The following FGD4 variants were observed in gnomAD, a reference collection of about 807,000 sequenced individuals.
FGD4 encodes FYVE, RhoGEF and PH domain-containing protein 4.
FGD4 carries 42 observed loss-of-function variants against 102.0 expected under a neutral mutation model. That is an observed-to-expected ratio of 0.41 (90% CI 0.32 to 0.53). FGD4 has a LOEUF of 0.53. Among genes scored for constraint, FGD4 ranks in the 20% least tolerant of loss-of-function variants. The pLI, the probability that FGD4 is intolerant of heterozygous loss-of-function variation, is 0.21. For missense variants in FGD4, 902 were observed against 1,078.2 expected, an observed-to-expected ratio of 0.84 and a Z score of 2.29; for synonymous variants, 380 against 375.7, an observed-to-expected ratio of 1.01 and a Z score of -0.13.
chr12:32,460,288 G>A (rs927500216), intron 1 of FGD4, among the ~76,000 whole-genome samples: 1 of 152,150 alleles, frequency 6.6e-6, no homozygotes, highest in South Asian at 2.1e-4. Flanking sequence ...GAGGCGGGAG[G>A]TTTGCTTGAG....
intron 1 of FGD4, among the ~76,000 whole-genome samples, chr12:32,509,540 G>C (rs899020605): frequency 3.3e-5 from 5 of 152,108 alleles, no homozygotes; most frequent in African/African-American, 1.2e-4. Flanking sequence ...TTTTCCAAAT[G>C]CTTATATTTT....
intron 1 of FGD4, among the ~76,000 whole-genome samples, chr12:32,497,362 G>A (rs879087900): frequency 1.3e-5 from 2 of 151,966 alleles, no homozygotes; most frequent in Admixed American, 1.3e-4. Flanking sequence ...TTCATGAAAC[G>A]AATTATAAAA....
At chr12:32,626,309 C>T (rs569358263) in intron 14 of FGD4, among the ~76,000 whole-genome samples, 9 of 152,102 alleles carry the variant, frequency 5.9e-5, no homozygotes, top group South Asian at 2.1e-4. Flanking sequence ...CCAGGCGTGG[C>T]GGCGCATGCC....
intron 1 of FGD4, among the ~76,000 whole-genome samples, chr12:32,447,823 C>T (rs978448905): frequency 5.9e-5 from 9 of 152,222 alleles, no homozygotes; most frequent in African/African-American, 1.9e-4. Flanking sequence ...GATTTGTTCA[C>T]TTGAGTCCTT....
At chr12:32,481,083 G>A (rs1380385950) in intron 1 of FGD4, among the ~76,000 whole-genome samples, 1 of 131,264 alleles carries the variant, frequency 7.6e-6, no homozygotes, top group Non-Finnish European at 1.6e-5. Flanking sequence ...AGCTGAGATA[G>A]TGCCACTGTA....
chr12:32,567,307 C>G (rs1945264410), intron 2 of FGD4, among the ~76,000 whole-genome samples: 1 of 152,170 alleles, frequency 6.6e-6, no homozygotes, highest in Non-Finnish European at 1.5e-5. Flanking sequence ...ACCACCAGCC[C>G]CGGATAGTTG....
At chr12:32,519,599 T>G (rs552509181) in intron 1 of FGD4, among the ~76,000 whole-genome samples, 7 of 152,080 alleles carry the variant, frequency 4.6e-5, no homozygotes, top group African/African-American at 1.4e-4. Context: ...GAGACCAGCC[T>G]GGGCAACACA....
At chr12:32,616,078 A>G (rs147305242) in intron 10 of FGD4, among the ~76,000 whole-genome samples, 1 of 152,316 alleles carries the variant, frequency 6.6e-6, no homozygotes, top group East Asian at 1.9e-4. Context: ...ATTCTAGGCA[A>G]CATAACCAGG....
intron 14 of FGD4, among the ~76,000 whole-genome samples, chr12:32,633,121 G>T (rs1950588639): frequency 6.6e-6 from 1 of 152,196 alleles, no homozygotes; most frequent in Non-Finnish European, 1.5e-5. Context: ...GATCGAAAGA[G>T]GTTCTGGGGA....
intron 10 of FGD4, among the ~76,000 whole-genome samples, chr12:32,614,434 T>G (rs1475611179): frequency 6.6e-6 from 1 of 152,128 alleles, no homozygotes; most frequent in Non-Finnish European, 1.5e-5. Flanking sequence ...GGCAGGGGTT[T>G]TTTGGGATGC....
chr12:32,406,728 G>A (rs953959586), intron 1 of FGD4, among the ~76,000 whole-genome samples: 2 of 152,074 alleles, frequency 1.3e-5, no homozygotes, highest in Non-Finnish European at 2.9e-5. Context: ...ACTTGGGATT[G>A]CTAATTAAAA....
At chr12:32,554,537 A>T (rs1015706875) in intron 1 of FGD4, among the ~76,000 whole-genome samples, 1 of 152,218 alleles carries the variant, frequency 6.6e-6, no homozygotes, top group African/African-American at 2.4e-5. Context: ...TCAGGAGCAC[A>T]ATTGCTGCCT....
intron 1 of FGD4, among the ~76,000 whole-genome samples, chr12:32,550,494 A>AC (rs1404300556): frequency 1.3e-5 from 2 of 151,736 alleles, no homozygotes; most frequent in Non-Finnish European, 2.9e-5. Flanking sequence ...AAATAGTGGG[A>AC]CCCCGTCTCT....
Position 32,544,525 on chromosome 12 carries a change from C to G in FGD4, c.167-19612C>G, listed in dbSNP as rs933189789. Among the ~76,000 whole-genome samples, 1 of 151,196 alleles carries G rather than the reference C, an allele frequency of 6.6e-6. No homozygotes were observed. The highest frequency in any genetic ancestry group is 6.6e-5 in the Admixed American group (1 of 15,194). Reference sequence around the variant, plus strand: ...GCAGGTGGATCACTTTGAACTCAGTCGTTTGAGACCAGCCTGGTCAGTATG... The same window carrying G: ...GCAGGTGGATCACTTTGAACTCAGTGGTTTGAGACCAGCCTGGTCAGTATG... On this transcript the variant is annotated intron_variant, in intron 1 of 16. Transcript: ENST00000534526. This position sits in a 1 kb window ranked among gnomAD's most constrained non-coding sequence, Gnocchi z 4.1.
In FGD4 at chr12:32,425,288, A is replaced by T. The variant is rs149693307; in HGVS notation, c.166+25329A>T. Among the ~76,000 whole-genome samples, 220 of 152,304 alleles carry T rather than the reference A, an allele frequency of 1.4e-3. No homozygotes were observed. The Middle Eastern group carries it at 0.024, about 16-fold the overall frequency. On this transcript the variant is annotated intron_variant, in intron 1 of 16. Coordinates refer to ENST00000534526, the MANE Select transcript of FGD4 (RefSeq NM_001370298.3). ...GCAGTCCAGTTTCAGTTTTCTGCATATGGCTAGCCAGTTTTCCCAACACCC... is the reference window on the plus strand; with the variant it reads ...GCAGTCCAGTTTCAGTTTTCTGCATTTGGCTAGCCAGTTTTCCCAACACCC...
intron 10 of FGD4, among the ~76,000 whole-genome samples, chr12:32,615,168 C>G (rs1949373655): frequency 6.6e-6 from 1 of 152,154 alleles, no homozygotes; most frequent in Non-Finnish European, 1.5e-5. Flanking sequence ...CTTATATATG[C>G]TACATGGATT....
chr12:32,633,812 T>G, intron 15 of FGD4, 123 bp downstream of exon 15: 1 of 882,496 alleles, frequency 1.1e-6, no homozygotes, highest in Middle Eastern at 3.8e-4. Context: ...GCCTCCCAAG[T>G]TGCTGGAATT....
intron 1 of FGD4, among the ~76,000 whole-genome samples, chr12:32,523,150 A>G (rs959631539): frequency 6.6e-6 from 1 of 152,140 alleles, no homozygotes; most frequent in African/African-American, 2.4e-5. Context: ...GAGAACAGAG[A>G]GGAATAGTAC....
intron 1 of FGD4, among the ~76,000 whole-genome samples, chr12:32,525,495 A>G (rs1408767703): frequency 2.0e-5 from 3 of 152,202 alleles, no homozygotes; most frequent in Non-Finnish European, 4.4e-5. Context: ...TGCTTTTGAG[A>G]GGTGACAGCG....
Sources: gnomAD v4.1 joint callset for allele counts (sites outside exome capture counted in the v4.1 genomes callset) on GRCh38, gnomAD v4.1.1 for gene constraint, Gnocchi (gnomAD v3.1) non-coding constraint, MANE v1.5 for transcripts, NCBI Gene and HGNC (gene_info 2026-07-23, HGNC 2026-07-21) for gene names.